PRKCE: variants seen among roughly 807,000 people sequenced by gnomAD.
PRKCE encodes protein kinase C epsilon type.
Under a neutral mutation model 85.4 loss-of-function variants are expected in PRKCE, and 16 were observed. The observed-to-expected ratio is 0.19, with a 90% CI of 0.13 to 0.28. PRKCE has a LOEUF of 0.28. PRKCE is among the 10% of genes least tolerant of loss of function. The pLI is 1.00. For missense variants in PRKCE, 573 were observed against 975.2 expected, an observed-to-expected ratio of 0.59 and a Z score of 5.49; for synonymous variants, 388 against 371.5, an observed-to-expected ratio of 1.04 and a Z score of -0.51.
intron 1 of PRKCE, among the ~76,000 whole-genome samples, chr2:45,718,894 T>C (rs1401930985): frequency 6.6e-6 from 1 of 152,222 alleles, no homozygotes; most frequent in Non-Finnish European, 1.5e-5. Context: ...GTTCTTATGG[T>C]CAAATGAATT....
At position 46,126,829 on chromosome 2, in the gene PRKCE, G is replaced by T. The variant is rs1298893938; in HGVS notation, c.1593-18264G>T. 2.6e-5 allele frequency among the ~76,000 whole-genome samples: 4 copies of T among 152,260 alleles called. No individual in the cohort carries two copies. The East Asian group carries it at 7.7e-4, about 29-fold the overall frequency. On this transcript the variant is annotated intron_variant, in intron 11 of 14. Transcript: ENST00000306156. Reference sequence around the variant, plus strand: ...AGCTGATGAGTGAGGGCTACAAAGAGCATGGAGCCAGTAGATGCTGGAGGC... The same window carrying T: ...AGCTGATGAGTGAGGGCTACAAAGATCATGGAGCCAGTAGATGCTGGAGGC...
rs1365557326 is a variant in PRKCE at position 46,187,068 on chromosome 2, A to AT, written c.*2193dup. The AT allele has an allele frequency of 6.6e-6, 1 of 152,618 alleles. No homozygotes were observed. Among genetic ancestry groups the AT allele is most frequent in the East Asian group, 1.9e-4 (1 of 5,200 alleles). The allele number at this position is 152,618 out of a possible 1,614,324, so 9.5% of individuals were successfully genotyped here. On this transcript the variant is annotated 3_prime_UTR_variant, in exon 15 of 15. Coordinates refer to ENST00000306156, the MANE Select transcript of PRKCE (RefSeq NM_005400.3). Reference sequence around the variant, plus strand: ...AACATCTTTACGGTGGCATCATCTCATTTTTTAGGAAGACATGATAATACT... The same window carrying AT: ...AACATCTTTACGGTGGCATCATCTCATTTTTTTAGGAAGACATGATAATACT...
intron 11 of PRKCE, among the ~76,000 whole-genome samples, chr2:46,119,806 A>G (rs2104317831): frequency 6.6e-6 from 1 of 152,370 alleles, no homozygotes; most frequent in East Asian, 1.9e-4. Context: ...GTGTGTTAGT[A>G]TCACTACTTA....
At chr2:46,014,816 G>A (rs1369549486) in intron 10 of PRKCE, among the ~76,000 whole-genome samples, 1 of 152,148 alleles carries the variant, frequency 6.6e-6, no homozygotes, top group Non-Finnish European at 1.5e-5. Flanking sequence ...TGGAAGCATG[G>A]GTGGCATTTG....
intron 13 of PRKCE, among the ~76,000 whole-genome samples, chr2:46,154,064 C>T (rs1676942475): frequency 6.6e-6 from 1 of 152,114 alleles, no homozygotes; most frequent in African/African-American, 2.4e-5. Context: ...GGATTACAGG[C>T]GTGAGCCTCC....
intron 1 of PRKCE, among the ~76,000 whole-genome samples, chr2:45,679,276 A>G (rs534424120): frequency 6.6e-6 from 1 of 152,346 alleles, no homozygotes; most frequent in Admixed American, 6.5e-5. Context: ...TCAAAAGAAT[A>G]CACAGTATTG....
chr2:45,919,515 C>T (rs1414935893), intron 2 of PRKCE, among the ~76,000 whole-genome samples: 1 of 152,236 alleles, frequency 6.6e-6, no homozygotes, highest in Non-Finnish European at 1.5e-5. Context: ...CTTCCTCCTG[C>T]ACCCCTCTTC....
At chr2:45,849,278 G>A (rs1273003241) in intron 2 of PRKCE, among the ~76,000 whole-genome samples, 2 of 152,204 alleles carry the variant, frequency 1.3e-5, no homozygotes, top group South Asian at 2.1e-4. Flanking sequence ...CTGGGACACT[G>A]GGCAGAGCAC....
At chr2:46,029,699 G>A (rs76958104) in intron 10 of PRKCE, among the ~76,000 whole-genome samples, 1 of 118,852 alleles carries the variant, frequency 8.4e-6, no homozygotes, top group Non-Finnish European at 1.8e-5. Flanking sequence ...TTTTTTTTTT[G>A]TGGGAAAGCT....
chr2:46,019,074 A>G (rs1382264285), intron 10 of PRKCE, among the ~76,000 whole-genome samples: 1 of 152,272 alleles, frequency 6.6e-6, no homozygotes, highest in Non-Finnish European at 1.5e-5. Context: ...TGGCATTGAC[A>G]TAATGCAAAC....
chr2:46,041,196 T>G lies in PRKCE; in HGVS notation c.1437+30679T>G, dbSNP rs970483576. 1.3e-5 allele frequency among the ~76,000 whole-genome samples: 2 copies of G among 152,206 alleles called. No homozygotes were observed. Among genetic ancestry groups the G allele is most frequent in the Non-Finnish European group, 2.9e-5 (2 of 68,030 alleles). On this transcript the variant is annotated intron_variant, in intron 10 of 14. Transcript: ENST00000306156. This position sits in a 1 kb window ranked among gnomAD's most constrained non-coding sequence, Gnocchi z 5.5. ...TTGTACCAGTTGTTAAGCCATAGGT[T>G]TTAAACTAACAAATGATTACCCTTG...
At chr2:45,835,051 C>T (rs1288063625) in intron 1 of PRKCE, among the ~76,000 whole-genome samples, 5 of 152,168 alleles carry the variant, frequency 3.3e-5, no homozygotes, top group Middle Eastern at 3.4e-3. Flanking sequence ...TGTTTGCACA[C>T]GTGGGTGGGT....
In PRKCE at chr2:46,139,184, C is replaced by A. The variant is rs1042458938; in HGVS notation, c.1593-5909C>A. ...ATTGTTCTTGAGGTTGCAGTCAACA[C>A]AATCAGACACAAGAAATGAATTAGA... On this transcript the variant is annotated intron_variant, in intron 11 of 14. Coordinates refer to ENST00000306156, the MANE Select transcript of PRKCE (RefSeq NM_005400.3). This position sits in a 1 kb window ranked among gnomAD's most constrained non-coding sequence, Gnocchi z 5.2. Among the ~76,000 whole-genome samples, 1 of 152,068 alleles carries A rather than the reference C, an allele frequency of 6.6e-6. No individual in the cohort carries two copies. Among genetic ancestry groups the A allele is most frequent in the Admixed American group, 6.5e-5 (1 of 15,274 alleles).
intron 1 of PRKCE, among the ~76,000 whole-genome samples, chr2:45,766,014 C>A (rs944529591): frequency 6.6e-6 from 1 of 152,164 alleles, no homozygotes; most frequent in African/African-American, 2.4e-5. Context: ...TCCCCTCCCC[C>A]ACCTCCAGGC....
In PRKCE at chr2:46,185,792, G is replaced by A. The variant is rs1680407203; in HGVS notation, c.*911G>A. 1 of 152,198 alleles carries A rather than the reference G, an allele frequency of 6.6e-6. No individual in the cohort carries two copies. The highest frequency in any genetic ancestry group is 2.4e-5 in the African/African-American group (1 of 41,442). The allele number at this position is 152,198 out of a possible 1,614,324, so 9.4% of individuals were successfully genotyped here. A position where few individuals can be genotyped will look rare whatever the true frequency, so the allele number is the denominator to read the frequency against. On this transcript the variant is annotated 3_prime_UTR_variant, in exon 15 of 15. Coordinates refer to ENST00000306156, the MANE Select transcript of PRKCE (RefSeq NM_005400.3). This position sits in a 1 kb window ranked among gnomAD's most constrained non-coding sequence, Gnocchi z 4.7. ...CATTCAAGTTCTACCTGGACACAAA[G>A]GCGAGGACCCTGGGGTTCCAACAAA...
intron 10 of PRKCE, 151 bp from the exon 11 acceptor site, chr2:46,086,057 C>G (rs184273560): frequency 7.9e-5 from 60 of 764,018 alleles, no homozygotes; most frequent in Non-Finnish European, 9.0e-5. Flanking sequence ...CGTTTGTCTT[C>G]TTTATGGATC....
intron 2 of PRKCE, among the ~76,000 whole-genome samples, chr2:45,901,907 A>T (rs1391766302): frequency 6.6e-6 from 1 of 152,232 alleles, no homozygotes; most frequent in African/African-American, 2.4e-5. Flanking sequence ...TTCAGAGTTT[A>T]AGAGCAGGTC....
chr2:45,993,619 C>G (rs1223309296), intron 6 of PRKCE, among the ~76,000 whole-genome samples: 2 of 152,138 alleles, frequency 1.3e-5, no homozygotes, highest in Admixed American at 1.3e-4. Context: ...GTTATGTAGA[C>G]AAGTTAGTTG....
intron 1 of PRKCE, among the ~76,000 whole-genome samples, chr2:45,670,575 G>GA (rs1676112751): frequency 6.6e-6 from 1 of 152,106 alleles, no homozygotes; most frequent in Non-Finnish European, 1.5e-5. Flanking sequence ...AAAACATTGA[G>GA]AAATATTGCC....
Sources: gnomAD v4.1 joint callset for allele counts (sites outside exome capture counted in the v4.1 genomes callset) on GRCh38, gnomAD v4.1.1 for gene constraint, Gnocchi (gnomAD v3.1) non-coding constraint, MANE v1.5 for transcripts, NCBI Gene and HGNC (gene_info 2026-07-23, HGNC 2026-07-21) for gene names.